Variants in PGM3 observed in about 807,000 individuals in gnomAD.
PGM3 encodes the protein phosphoglucomutase 3.
Under a neutral mutation model 66.2 loss-of-function variants are expected in PGM3, and 40 were observed. The ratio of observed to expected loss-of-function variants is 0.60; its 90% confidence interval spans 0.47 to 0.79. The LOEUF is 0.79. Ranked by LOEUF, PGM3 falls within the 30% of genes least tolerant of loss-of-function variation. The pLI, the probability that PGM3 is intolerant of heterozygous loss-of-function variation, is 0.00. For missense variants in PGM3, 537 were observed against 643.4 expected (o/e 0.83, Z 1.79); for synonymous variants, 191 against 224.2 (o/e 0.85, Z 1.32).
the PGM3 span, chr6:83,153,663 C>A: frequency 6.9e-7 from 1 of 1,448,322 alleles, no homozygotes; most frequent in Admixed American, 2.1e-5. Context: ...AATTCATAGC[C>A]TGTTAGAAAC....
intron 4 of PGM3, among the ~76,000 whole-genome samples, chr6:83,186,447 T>C (rs889169952): frequency 1.3e-5 from 2 of 152,132 alleles, no homozygotes; most frequent in Non-Finnish European, 2.9e-5. Context: ...TTTGTTTTAA[T>C]GAGAAAGATC....
intron 6 of PGM3, 85 bp from the exon 7 acceptor site, chr6:83,180,052 C>T (rs1371798753): frequency 2.9e-6 from 3 of 1,033,226 alleles, no homozygotes; most frequent in African/African-American, 3.3e-5. Context: ...AATTATCCAC[C>T]TAAAAATCAA....
chr6:83,178,147 TCACA>T (rs1000809529), intron 8 of PGM3, among the ~76,000 whole-genome samples: 4 of 152,240 alleles, frequency 2.6e-5, no homozygotes, highest in African/African-American at 4.8e-5. Context: ...CCACCATTTG[TCACA>T]CACATAGTTT....
At chr6:83,164,627 A>G (rs932152243), downstream of PGM3, 22 of 1,552,736 alleles carry the variant, frequency 1.4e-5, no homozygotes, top group Non-Finnish European at 1.8e-5. Context: ...TCACTGGAAC[A>G]AAGGCTGTGA....
Position 83,181,833 on chromosome 6 carries a change from C to G in PGM3, c.690G>C (p.Gln230His). Residue 230 changes from glutamine to histidine, a missense_variant, in exon 6 of 13, where the codon CAG becomes CAC. Gln to His is a conservative substitution (Grantham distance 24). Transcript: ENST00000513973. The part of the protein sequence containing the change: ...KLREMEHYFS[Q>H]GLSVQLFNDG... ...CATTAAACAGCTGAACTGACAGGCC[C>G]TGTGAGAAGTAGTGTTCCATTTCCC... 1 of 1,614,006 alleles carries G rather than the reference C, an allele frequency of 6.2e-7. No homozygotes were observed. Among genetic ancestry groups the G allele is most frequent in the Non-Finnish European group, 8.5e-7 (1 of 1,179,906 alleles).
chr6:83,189,906 C>G (rs900457285), intron 2 of PGM3, among the ~76,000 whole-genome samples: 7 of 152,154 alleles, frequency 4.6e-5, no homozygotes, highest in Non-Finnish European at 8.8e-5. Flanking sequence ...ATACTGCAGG[C>G]TCATAACATA....
intron 7 of PGM3, 137 bp downstream of exon 7, chr6:83,179,673 T>G (rs1562421223): frequency 3.3e-6 from 2 of 613,044 alleles, no homozygotes; most frequent in Non-Finnish European, 5.5e-6. Context: ...GTATTACCAC[T>G]GCTCTTTTTT....
At chr6:83,157,098 T>C, downstream of PGM3, 1 of 1,363,022 alleles carries the variant, frequency 7.3e-7, no homozygotes, top group Non-Finnish European at 1.0e-6. Context: ...CTACAGATAG[T>C]TTGAGAGTAC....
intron 3 of PGM3, among the ~76,000 whole-genome samples, chr6:83,187,638 T>C (rs1788679786): frequency 6.6e-6 from 1 of 152,058 alleles, no homozygotes; most frequent in South Asian, 2.1e-4. Context: ...ACCACGTCTC[T>C]ACTAAAAATA....
chr6:83,162,977 GTATT>G (rs1784584966), downstream of PGM3: 1 of 1,526,988 alleles, frequency 6.5e-7, no homozygotes, highest in Non-Finnish European at 8.8e-7. Context: ...CATTAGTGAG[GTATT>G]TATTAAATAC....
chr6:83,173,509 C>A (rs910188785), intron 10 of PGM3, among the ~76,000 whole-genome samples: 1 of 151,856 alleles, frequency 6.6e-6, no homozygotes, highest in African/African-American at 2.4e-5. Flanking sequence ...TAAGATATAA[C>A]TGAAGATAAA....
downstream of PGM3, chr6:83,161,267 GTTATA>G (rs1328173580): frequency 1.3e-5 from 2 of 151,980 alleles, no homozygotes; most frequent in Non-Finnish European, 2.9e-5. Flanking sequence ...GAAACATGCC[GTTATA>G]TTAATTAGTT....
At position 83,169,090 on chromosome 6, in the gene PGM3, G is replaced by A. The variant is rs578184427; in HGVS notation, c.*144C>T. The stretch of plus-strand genomic sequence containing the variant: ...ATTTATAAAGAATTATTCTGTTAGT[G>A]TTTAAGAAAAACAGATCTAGAGACA... On this transcript the variant is annotated 3_prime_UTR_variant, in exon 13 of 13. Coordinates refer to ENST00000513973, the MANE Select transcript of PGM3 (RefSeq NM_015599.3). 1.1e-4 allele frequency: 155 copies of A among 1,445,872 alleles called. No homozygotes were observed. Among genetic ancestry groups the A allele is most frequent in the South Asian group, 1.6e-4 (11 of 67,688 alleles). The allele number at this position is 1,445,872 out of a possible 1,614,324, so 89.6% of individuals were successfully genotyped here. A position where few individuals can be genotyped will look rare whatever the true frequency, so the allele number is the denominator to read the frequency against.
At chr6:83,187,408 A>C (rs1159746836) in intron 3 of PGM3, among the ~76,000 whole-genome samples, 1 of 152,258 alleles carries the variant, frequency 6.6e-6, no homozygotes, top group Non-Finnish European at 1.5e-5. Context: ...TAAACACTGA[A>C]TATACACAGT....
At chr6:83,157,871 C>T (rs142419323), downstream of PGM3, among the ~76,000 whole-genome samples, 2,719 of 152,284 alleles carry the variant, frequency 0.018, 49 homozygotes, top group Admixed American at 0.059. Context: ...CATCCTTATC[C>T]TCCTCAGAAT....
downstream of PGM3, chr6:83,159,875 C>T (rs779312999): frequency 2.5e-6 from 4 of 1,613,996 alleles, no homozygotes; most frequent in Non-Finnish European, 3.4e-6. Context: ...TAACAGCCAG[C>T]GGTGGTTAAA....
In PGM3 at chr6:83,187,052, T is replaced by C; in HGVS notation, c.413A>G (p.Gln138Arg). Residue 138 changes from glutamine (Q) to arginine (R), a missense_variant, in exon 4 of 13, where the codon CAA becomes CGA. Physicochemically the swap from Gln to Arg is conservative, Grantham distance 43. Coordinates refer to ENST00000513973, the MANE Select transcript of PGM3 (RefSeq NM_015599.3). The part of the protein sequence containing the change: ...DTRPSSEKLS[Q>R]SVIDGVTVLG... Reference sequence around the variant, plus strand: ...AACAGTCACACCATCTATTACAGATTGTGAAAGTTTCTCACTGCTGGGCCT... The same window carrying C: ...AACAGTCACACCATCTATTACAGATCGTGAAAGTTTCTCACTGCTGGGCCT... 1 of 1,602,544 alleles carries C rather than the reference T, an allele frequency of 6.2e-7. No individual in the cohort carries two copies. The highest frequency in any genetic ancestry group is 1.3e-5 in the African/African-American group (1 of 74,884).
chr6:83,151,666 C>T, the PGM3 span: 35 of 1,601,770 alleles, frequency 2.2e-5, no homozygotes, highest in Non-Finnish European at 3.0e-5. Flanking sequence ...TCAGGTAAGG[C>T]AGTCTAAGAG....
At chr6:83,169,515 A>T in intron 12 of PGM3, 192 bp from the exon 13 acceptor site, 1 of 610,762 alleles carries the variant, frequency 1.6e-6, no homozygotes, top group Non-Finnish European at 2.8e-6. Flanking sequence ...CGGAAAACAG[A>T]CCAAATTCTT....
Sources: gnomAD v4.1 joint callset for allele counts (sites outside exome capture counted in the v4.1 genomes callset) on GRCh38, gnomAD v4.1.1 for gene constraint, MANE v1.5 for transcripts, NCBI Gene and HGNC (gene_info 2026-07-23, HGNC 2026-07-21) for gene names.